The following PCDH15 variants were observed in gnomAD, a reference collection of about 807,000 sequenced individuals.
PCDH15 encodes protocadherin-15.
A neutral mutation model predicts 178.5 loss-of-function variants in PCDH15; 129 were observed. The observed-to-expected ratio is 0.72, with a 90% CI of 0.63 to 0.84. The LOEUF is 0.84. Among genes scored for constraint, PCDH15 ranks in the 40% least tolerant of loss-of-function variants. PCDH15 has a pLI of 0.00. For missense variants in PCDH15, 2,230 were observed against 2,099.9 expected, an observed-to-expected ratio of 1.06 and a Z score of -1.21; for synonymous variants, 800 against 732.0, an observed-to-expected ratio of 1.09 and a Z score of -1.50.
intron 3 of PCDH15, among the ~76,000 whole-genome samples, chr10:54,518,117 C>G (rs1052431159): frequency 2.6e-5 from 4 of 152,066 alleles, no homozygotes; most frequent in Admixed American, 6.5e-5. Context: ...CAGGAAAGAT[C>G]CAAAATTGAC....
Position 54,062,227 on chromosome 10 carries a change from C to CAAAA in PCDH15, c.2220+4526_2220+4529dup, listed in dbSNP as rs72361686. 7.8e-3 allele frequency among the ~76,000 whole-genome samples: 417 copies of CAAAA among 53,636 alleles called. 24 individuals are homozygous for CAAAA. The highest frequency in any genetic ancestry group is 0.012 in the African/African-American group (123 of 10,428). The allele number at this position is 53,636 out of a possible 152,430, so 35.2% of individuals were successfully genotyped here. A position where few individuals can be genotyped will look rare whatever the true frequency, so the allele number is the denominator to read the frequency against. On this transcript the variant is annotated intron_variant, in intron 18 of 37. Coordinates refer to ENST00000644397, the MANE Select transcript of PCDH15 (RefSeq NM_001384140.1). ...GGGTGACAAGAGTGAGATTCTGTCTCAAAAAAAAAAAAAAAAAAAAAAAAA... is the reference window on the plus strand; with the variant it reads ...GGGTGACAAGAGTGAGATTCTGTCTCAAAAAAAAAAAAAAAAAAAAAAAAAAAAA...
intron 2 of PCDH15, among the ~76,000 whole-genome samples, chr10:54,901,055 T>C (rs1166603584): frequency 6.6e-6 from 1 of 152,128 alleles, no homozygotes; most frequent in Non-Finnish European, 1.5e-5. Flanking sequence ...GGCTCGTGCC[T>C]GCAATCCCAA....
intron 2 of PCDH15, among the ~76,000 whole-genome samples, chr10:55,603,863 C>T (rs1313822892): frequency 6.7e-6 from 1 of 148,440 alleles, no homozygotes; most frequent in East Asian, 2.0e-4. Flanking sequence ...CAGCTAACAT[C>T]ATAATGACAG....
At chr10:54,676,168 C>T (rs1035147371) in intron 1 of PCDH15, among the ~76,000 whole-genome samples, 6 of 151,580 alleles carry the variant, frequency 4.0e-5, no homozygotes, top group African/African-American at 9.7e-5. Context: ...TTTAAATCGT[C>T]GAACTTAGAT....
intron 1 of PCDH15, among the ~76,000 whole-genome samples, chr10:55,280,487 C>T (rs956233301): frequency 7.1e-6 from 1 of 141,228 alleles, no homozygotes; most frequent in Non-Finnish European, 1.5e-5. Flanking sequence ...CAGGGTTTTA[C>T]CAAGTTGGTC....
intron 1 of PCDH15, among the ~76,000 whole-genome samples, chr10:54,712,663 T>C (rs895766027): frequency 2.0e-5 from 3 of 151,954 alleles, no homozygotes; most frequent in Admixed American, 6.6e-5. Flanking sequence ...AGTAATTTAG[T>C]TCATATAGCC....
At chr10:54,219,817 TATG>T (rs2052584092) in intron 9 of PCDH15, among the ~76,000 whole-genome samples, 1 of 152,004 alleles carries the variant, frequency 6.6e-6, no homozygotes, top group African/African-American at 2.4e-5. Context: ...TTATTTGTGC[TATG>T]ATATTGTCAG....
intron 3 of PCDH15, among the ~76,000 whole-genome samples, chr10:54,457,511 G>C (rs935254712): frequency 2.0e-5 from 3 of 152,090 alleles, no homozygotes; most frequent in Non-Finnish European, 2.9e-5. Flanking sequence ...AATGTTACCA[G>C]ATACTCCTCA....
chr10:54,561,807 T>C (rs2088199800), intron 2 of PCDH15, among the ~76,000 whole-genome samples: 1 of 151,742 alleles, frequency 6.6e-6, no homozygotes, highest in Non-Finnish European at 1.5e-5. Context: ...TTAATTCTGA[T>C]TTACAAAATG....
intron 1 of PCDH15, among the ~76,000 whole-genome samples, chr10:55,194,300 A>T (rs1335246176): frequency 6.6e-6 from 1 of 152,042 alleles, no homozygotes; most frequent in African/African-American, 2.4e-5. Flanking sequence ...ATCTCAAAGA[A>T]AGAGTATGAC....
chr10:54,071,938 C>T (rs1192829445), intron 17 of PCDH15, among the ~76,000 whole-genome samples: 1 of 151,984 alleles, frequency 6.6e-6, no homozygotes, highest in Non-Finnish European at 1.5e-5. Context: ...ACTAATAGAA[C>T]ACACAATGTC....
intron 1 of PCDH15, among the ~76,000 whole-genome samples, chr10:55,202,341 C>A (rs937740410): frequency 2.0e-5 from 3 of 152,126 alleles, no homozygotes; most frequent in African/African-American, 4.8e-5. Context: ...GCTTTTCTCC[C>A]TTCCATCACC....
chr10:55,109,158 A>G (rs1837432277), intron 2 of PCDH15, among the ~76,000 whole-genome samples: 1 of 152,228 alleles, frequency 6.6e-6, no homozygotes, highest in Non-Finnish European at 1.5e-5. Context: ...CAGAATCATA[A>G]GCTTCATTCA....
intron 2 of PCDH15, among the ~76,000 whole-genome samples, chr10:55,350,085 T>C (rs1482262270): frequency 1.3e-5 from 2 of 151,762 alleles, no homozygotes; most frequent in African/African-American, 2.4e-5. Flanking sequence ...TTTTTCCATA[T>C]AGCAGACATT....
intron 2 of PCDH15, among the ~76,000 whole-genome samples, chr10:55,101,005 C>T (rs1564798509): frequency 6.6e-6 from 1 of 151,986 alleles, no homozygotes; most frequent in African/African-American, 2.4e-5. Context: ...CTCTTCAGTC[C>T]AATTGTTTAC....
intron 1 of PCDH15, among the ~76,000 whole-genome samples, chr10:54,666,717 G>A (rs2094577857): frequency 6.6e-6 from 1 of 151,936 alleles, no homozygotes; most frequent in South Asian, 2.1e-4. Flanking sequence ...AACCAGAAAA[G>A]ATATGTATTA....
Position 54,664,184 on chromosome 10 carries a change from G to A in PCDH15, c.79C>T (p.Gln27Ter). 6.2e-7 allele frequency: 1 copy of A among 1,611,742 alleles called. No homozygotes were observed. The highest frequency in any genetic ancestry group is 8.5e-7 in the Non-Finnish European group (1 of 1,178,546). The part of the protein sequence containing the change: ...LGSLFEICLG[Q>*]YDDDCKLARG... ...AAAGCAACCTTACCATCATCATACT[G>A]GCCCAAGCAGATTTCAAAGAGAGAG... The change falls in exon 2 of 38, where the codon CAG becomes TAG. Residue 27 changes from glutamine (Q) to a stop codon, truncating the protein, a stop_gained. Transcript: ENST00000644397. LOFTEE classifies it high-confidence loss of function.
intron 3 of PCDH15, among the ~76,000 whole-genome samples, chr10:54,394,282 A>C (rs1950918856): frequency 6.6e-6 from 1 of 151,810 alleles, no homozygotes; most frequent in Admixed American, 6.6e-5. Flanking sequence ...ACGTAAATAA[A>C]ATTATCGGGG....
At chr10:54,162,116 TGCTACATTATAGAATGCCCTTCAG>T in intron 13 of PCDH15, among the ~76,000 whole-genome samples, 1 of 152,202 alleles carries the variant, frequency 6.6e-6, no homozygotes, top group Non-Finnish European at 1.5e-5. Context: ...CATTTTTTTC[TGCTACATTATAGAATGCCCTTCAG>T]GCTACTTGTT....
Sources: allele counts gnomAD v4.1 joint callset (sites outside exome capture counted in the v4.1 genomes callset), GRCh38; gene constraint gnomAD v4.1.1; transcripts MANE v1.5; gene names NCBI Gene and HGNC (gene_info 2026-07-23, HGNC 2026-07-21).